IQSEC1: variants seen among roughly 807,000 people sequenced by gnomAD.
The protein encoded by IQSEC1 is IQ motif and SEC7 domain-containing protein 1.
A neutral mutation model predicts 91.0 loss-of-function variants in IQSEC1; 31 were observed. The ratio of observed to expected loss-of-function variants is 0.34; its 90% CI spans 0.26 to 0.46. IQSEC1 has a LOEUF of 0.46. Ranked by LOEUF, IQSEC1 falls within the 20% of genes least tolerant of loss-of-function variation. The pLI, the probability that IQSEC1 is intolerant of heterozygous loss-of-function variation, is 1.00. For synonymous variants in IQSEC1, 699 were observed against 662.6 expected (o/e 1.05, Z -0.84); for missense variants, 1,388 against 1,575.6 (o/e 0.88, Z 2.02).
chr3:13,176,792 A>C (rs1163552698), intron 1 of IQSEC1, among the ~76,000 whole-genome samples: 1 of 152,272 alleles, frequency 6.6e-6, no homozygotes, highest in Admixed American at 6.5e-5. Context: ...GTGAGCTGCC[A>C]CAAAACTAAG....
At chr3:13,239,600 A>G (rs1415851378) in intron 1 of IQSEC1, among the ~76,000 whole-genome samples, 1 of 152,246 alleles carries the variant, frequency 6.6e-6, no homozygotes, top group African/African-American at 2.4e-5. Context: ...GCAGCAAGGA[A>G]CCTAGATGGT....
At chr3:12,996,053 C>A (rs1023248238) in intron 1 of IQSEC1, among the ~76,000 whole-genome samples, 1 of 151,910 alleles carries the variant, frequency 6.6e-6, no homozygotes, top group Non-Finnish European at 1.5e-5. Flanking sequence ...TCCAGCTACT[C>A]GGGAGGCTGA....
At chr3:13,117,631 A>G (rs1266692439) in intron 2 of IQSEC1, among the ~76,000 whole-genome samples, 1 of 150,034 alleles carries the variant, frequency 6.7e-6, no homozygotes, top group African/African-American at 2.5e-5. Context: ...TGATGCCTAT[A>G]ATCCCAGCAC....
intron 1 of IQSEC1, among the ~76,000 whole-genome samples, chr3:13,009,141 G>A (rs1702762042): frequency 6.6e-6 from 1 of 152,190 alleles, no homozygotes; most frequent in African/African-American, 2.4e-5. Context: ...TATTTGCCAA[G>A]GTTTGTTCAT....
Position 12,916,749 on chromosome 3 carries a change from T to C in IQSEC1, c.2021-1016A>G, listed in dbSNP as rs186407450. Among the ~76,000 whole-genome samples, 763 of 152,336 alleles carry C rather than the reference T, an allele frequency of 5.0e-3. 6 individuals carry two copies. Among genetic ancestry groups the C allele is most frequent in the African/African-American group, 0.018 (746 of 41,558 alleles). On this transcript the variant is annotated intron_variant, in intron 6 of 13. Coordinates refer to ENST00000613206, the MANE Select transcript of IQSEC1 (RefSeq NM_001134382.3). ...AAATGGCAAAAGGCTGGAAGTAACC[T>C]GTGTACCCATTAACAGGGGAGTGCT...
Position 13,226,670 on chromosome 3 carries a change from A to G in IQSEC1, c.272+56041T>C, listed in dbSNP as rs370074995. ...TGGCAGCTGCTGTGCCTGATTCTCC[A>G]CACTCCTTCAATAATGCCCCAGCAT... is the stretch of plus-strand genomic sequence containing the variant. On this transcript the variant is annotated intron_variant, in intron 1 of 15. Transcript: ENST00000648114. Among the ~76,000 whole-genome samples the G allele has an allele frequency of 2.0e-5, 3 of 152,144 alleles. No individual in the cohort carries two copies. In the South Asian group the frequency reaches 6.2e-4, roughly 32 times the overall value.
In IQSEC1 at chr3:13,026,876, TTTGTTTG is replaced by T. The variant is rs1221333786; in HGVS notation, c.23+46109_23+46115del. Among the ~76,000 whole-genome samples the T allele has an allele frequency of 2.5e-3, 122 of 49,318 alleles. 3 individuals are homozygous for T. The highest frequency in any genetic ancestry group is 4.7e-3 in the African/African-American group (105 of 22,374). 32.4% of individuals were successfully genotyped at this position (49,318 alleles called of 152,430 possible). A position where few individuals can be genotyped will look rare whatever the true frequency, so the allele number is the denominator to read the frequency against. ...TATTATCTCCCCAGTTTTTTTTTTT[TTTGTTTG>T]TTTTTTTTTTTACCAATTAATAAAC... On this transcript the variant is annotated intron_variant, in intron 1 of 13. Coordinates refer to ENST00000613206, the MANE Select transcript of IQSEC1 (RefSeq NM_001134382.3).
intron 1 of IQSEC1, among the ~76,000 whole-genome samples, chr3:13,020,250 T>TGGGGCAGGGGCA (rs376181385): frequency 1.4e-4 from 21 of 152,128 alleles, no homozygotes; most frequent in African/African-American, 4.8e-5. Flanking sequence ...TCCCGGGGTC[T>TGGGGCAGGGGCA]GGGGCAGGGG....
At chr3:13,170,842 G>A (rs939604625) in intron 1 of IQSEC1, among the ~76,000 whole-genome samples, 1 of 152,174 alleles carries the variant, frequency 6.6e-6, no homozygotes, top group African/African-American at 2.4e-5. Context: ...GCTCACGCCT[G>A]TAATCCCAGC....
intron 1 of IQSEC1, among the ~76,000 whole-genome samples, chr3:13,267,850 C>G (rs983886262): frequency 2.6e-5 from 4 of 152,074 alleles, no homozygotes; most frequent in African/African-American, 9.7e-5. Context: ...ATCTCCTGAC[C>G]TCGTGATCCA....
intron 1 of IQSEC1, among the ~76,000 whole-genome samples, chr3:13,026,210 G>T (rs1051632716): frequency 6.6e-6 from 1 of 152,186 alleles, no homozygotes; most frequent in African/African-American, 2.4e-5. Flanking sequence ...TTGCACCCAG[G>T]TCTCTCTCTT....
In IQSEC1 at chr3:13,219,773, G is replaced by C. The variant is rs1214206538; in HGVS notation, c.273-55640C>G. On this transcript the variant is annotated intron_variant, in intron 1 of 15. Coordinates refer to the IQSEC1 transcript ENST00000648114. ...CCTGCCACGTGGCCACCAGAGGTGG[G>C]GTGGTGCCTCTAACCAGCTGGGGGG... 3.9e-5 allele frequency among the ~76,000 whole-genome samples: 6 copies of C among 152,334 alleles called. No homozygotes were observed. The East Asian group carries it at 1.2e-3, about 29-fold the overall frequency.
At chr3:13,155,943 G>A (rs181608846) in intron 2 of IQSEC1, among the ~76,000 whole-genome samples, 116 of 152,274 alleles carry the variant, frequency 7.6e-4, no homozygotes, top group African/African-American at 2.8e-3. Flanking sequence ...AAACAAGGCT[G>A]TGTGGTGGCT....
intron 1 of IQSEC1, among the ~76,000 whole-genome samples, chr3:13,191,818 A>T (rs1694038527): frequency 6.6e-6 from 1 of 152,070 alleles, no homozygotes; most frequent in Admixed American, 6.5e-5. Flanking sequence ...TCTTTCCATG[A>T]CAGTGTTCTT....
At position 13,276,080 on chromosome 3, in the gene IQSEC1, C is replaced by CTTTTTTTTTTTTTTT. The variant is rs796663192; in HGVS notation, c.272+6616_272+6630dup. Among the ~76,000 whole-genome samples the CTTTTTTTTTTTTTTT allele has an allele frequency of 5.0e-5, 4 of 79,524 alleles. 1 individual carries two copies. The highest frequency in any genetic ancestry group is 1.7e-4 in the African/African-American group (4 of 24,150). The allele number at this position is 79,524 out of a possible 152,430, so 52.2% of individuals were successfully genotyped here. The stretch of plus-strand genomic sequence containing the variant: ...AGGGAAAACAATCCTCAAAAGCATT[C>CTTTTTTTTTTTTTTT]TTTTTTTTTTTTTTTTTTTTTTTTT... On this transcript the variant is annotated intron_variant, in intron 1 of 15. Coordinates refer to the IQSEC1 transcript ENST00000648114.
intron 1 of IQSEC1, among the ~76,000 whole-genome samples, chr3:13,245,301 G>A (rs1695090565): frequency 6.6e-6 from 1 of 152,168 alleles, no homozygotes; most frequent in African/African-American, 2.4e-5. Context: ...TGCAGTGTTA[G>A]GGCTCTAAGG....
intron 1 of IQSEC1, among the ~76,000 whole-genome samples, chr3:13,165,486 TAGCC>T (rs1252306443): frequency 8.0e-6 from 1 of 124,252 alleles, no homozygotes; most frequent in Admixed American, 1.1e-4. Context: ...CATTTGATCA[TAGCC>T]AGGACAGAAA....
intron 12 of IQSEC1, 50 bp from the exon 13 acceptor site, chr3:12,902,872 G>T (rs756727351): frequency 1.2e-5 from 16 of 1,369,310 alleles, no homozygotes; most frequent in Non-Finnish European, 1.5e-5. Flanking sequence ...TGAGGCTGGG[G>T]GTGCTGCCTG....
At chr3:13,231,089 A>G (rs187419306) in intron 1 of IQSEC1, among the ~76,000 whole-genome samples, 49 of 152,320 alleles carry the variant, frequency 3.2e-4, no homozygotes, top group Admixed American at 6.5e-4. Context: ...CAGAATTATT[A>G]TTACTCTGAT....
Sources: gnomAD v4.1 joint callset for allele counts (sites outside exome capture counted in the v4.1 genomes callset) on GRCh38, gnomAD v4.1.1 for gene constraint, MANE v1.5 for transcripts, NCBI Gene and HGNC (gene_info 2026-07-23, HGNC 2026-07-21) for gene names.